DDR2: variants seen among roughly 807,000 people sequenced by gnomAD.
The protein encoded by DDR2 is discoidin domain receptor tyrosine kinase 2, also known as discoidin domain-containing receptor 2.
In DDR2, 27 loss-of-function variants were observed where a neutral mutation model predicts 94.9. That is an observed-to-expected ratio of 0.28 (90% CI 0.21 to 0.39). The LOEUF is 0.39. DDR2 is among the 10% of genes least tolerant of loss of function. The pLI, the probability that DDR2 is intolerant of heterozygous loss-of-function variation, is 1.00. For synonymous variants in DDR2, 382 were observed against 377.2 expected (o/e 1.01, Z -0.15); for missense variants, 783 against 1,076.0 (o/e 0.73, Z 3.81).
At chr1:162,686,922 T>C (rs1212763706) in intron 2 of DDR2, among the ~76,000 whole-genome samples, 3 of 152,240 alleles carry the variant, frequency 2.0e-5, no homozygotes, top group Non-Finnish European at 4.4e-5. Flanking sequence ...TTGGATTAAA[T>C]TGCTTTCAGC....
At chr1:162,773,698 G>C in intron 14 of DDR2, 102 bp downstream of exon 14, 1 of 1,496,328 alleles carries the variant, frequency 6.7e-7, no homozygotes. Flanking sequence ...AGATGGGAAG[G>C]TCAGTGAGCT....
At chr1:162,757,087 C>A (rs1020095578) in intron 7 of DDR2, among the ~76,000 whole-genome samples, 1 of 152,082 alleles carries the variant, frequency 6.6e-6, no homozygotes, top group African/African-American at 2.4e-5. Context: ...TATGACTGCT[C>A]TGGGGTTCAA....
chr1:162,661,720 G>A (rs1190507321), intron 2 of DDR2, among the ~76,000 whole-genome samples: 1 of 152,212 alleles, frequency 6.6e-6, no homozygotes, highest in Non-Finnish European at 1.5e-5. Flanking sequence ...TGGGCACTCT[G>A]CTCTGCTCTG....
intron 1 of DDR2, among the ~76,000 whole-genome samples, chr1:162,649,896 A>G (rs1019215662): frequency 6.6e-6 from 1 of 152,234 alleles, no homozygotes; most frequent in Non-Finnish European, 1.5e-5. Flanking sequence ...GGCCTTGGAT[A>G]AATCAGTTAA....
intron 2 of DDR2, among the ~76,000 whole-genome samples, chr1:162,673,591 GTGTA>G (rs1233859313): frequency 2.9e-3 from 390 of 132,442 alleles, no homozygotes; most frequent in African/African-American, 8.0e-3. Flanking sequence ...GTGTGTGTGT[GTGTA>G]TGTGTGTGTG....
chr1:162,746,447 G>A (rs112534676), intron 3 of DDR2, among the ~76,000 whole-genome samples: 238 of 152,338 alleles, frequency 1.6e-3, no homozygotes, highest in African/African-American at 5.4e-3. Context: ...GCTGAGGCTT[G>A]AGTAGGTAAA....
At position 162,647,878 on chromosome 1, in the gene DDR2, C is replaced by T. The variant is rs117762522; in HGVS notation, c.-191-7333C>T. Among the ~76,000 whole-genome samples the T allele has an allele frequency of 1.9e-3, 292 of 152,148 alleles. 5 individuals are homozygous for T. The East Asian group carries it at 0.043, about 23-fold the overall frequency. On this transcript the variant is annotated intron_variant, in intron 1 of 17. Coordinates refer to ENST00000367921, the MANE Select transcript of DDR2 (RefSeq NM_006182.4). ...TGCTTTATCAGCAGGGTCTTTGTGACCTGTATGTGTCTTGTGCCAACGTCC... is the reference window on the plus strand; with the variant it reads ...TGCTTTATCAGCAGGGTCTTTGTGATCTGTATGTGTCTTGTGCCAACGTCC...
intron 3 of DDR2, among the ~76,000 whole-genome samples, chr1:162,736,329 G>A (rs527428626): frequency 1.3e-5 from 2 of 152,348 alleles, no homozygotes; most frequent in East Asian, 1.9e-4. Context: ...GAAACAGACC[G>A]AAAGAGAGCC....
rs1209228992 is a variant in DDR2 at position 162,786,607 on chromosome 1, C to T, written c.*6361C>T. 6.6e-6 allele frequency: 1 copy of T among 152,184 alleles called. No homozygotes were observed. The highest frequency in any genetic ancestry group is 1.5e-5 in the Non-Finnish European group (1 of 68,040). The allele number at this position is 152,184 out of a possible 1,614,324, so 9.4% of individuals were successfully genotyped here. A position where few individuals can be genotyped will look rare whatever the true frequency, so the allele number is the denominator to read the frequency against. On this transcript the variant is annotated 3_prime_UTR_variant, in exon 18 of 18. Transcript: ENST00000367921. The stretch of plus-strand genomic sequence containing the variant: ...CCTTTCTGTATAAACAGTGCCAGTT[C>T]TGGGCTTTGTAACCTTTGCTCTTTA...
chr1:162,765,536 A>G (rs11578565), intron 9 of DDR2, among the ~76,000 whole-genome samples: 12 of 152,092 alleles, frequency 7.9e-5, no homozygotes, highest in Non-Finnish European at 1.2e-4. Context: ...TATAAAGATT[A>G]AGCCTTAATT....
At chr1:162,664,358 A>G (rs1658442771) in intron 2 of DDR2, among the ~76,000 whole-genome samples, 1 of 152,108 alleles carries the variant, frequency 6.6e-6, no homozygotes, top group Non-Finnish European at 1.5e-5. Flanking sequence ...ATTTTCCATA[A>G]TATTTGACTT....
In DDR2 at chr1:162,729,309, T is replaced by A. The variant is rs866435818; in HGVS notation, c.82+10164T>A. On this transcript the variant is annotated intron_variant, in intron 3 of 17. Coordinates refer to ENST00000367921, the MANE Select transcript of DDR2 (RefSeq NM_006182.4). ...ATATATATATATATATATTTTTTTT[T>A]TTTTTTTTTTTCCTTGGGAGAATAG... 1.0e-3 allele frequency among the ~76,000 whole-genome samples: 145 copies of A among 138,266 alleles called. 1 individual carries two copies. Among genetic ancestry groups the A allele is most frequent in the Middle Eastern group, 3.7e-3 (1 of 270 alleles). The allele number at this position is 138,266 out of a possible 152,430, so 90.7% of individuals were successfully genotyped here. A position where few individuals can be genotyped will look rare whatever the true frequency, so the allele number is the denominator to read the frequency against.
At chr1:162,748,555 G>T (rs1318616244) in intron 3 of DDR2, among the ~76,000 whole-genome samples, 1 of 152,158 alleles carries the variant, frequency 6.6e-6, no homozygotes, top group African/African-American at 2.4e-5. Flanking sequence ...GAATCATAAT[G>T]GGAGATTTTA....
At chr1:162,688,325 C>T (rs967101158) in intron 2 of DDR2, among the ~76,000 whole-genome samples, 6 of 152,226 alleles carry the variant, frequency 3.9e-5, no homozygotes, top group African/African-American at 1.4e-4. Flanking sequence ...CTAGCCTGTG[C>T]TGCATGCCTG....
chr1:162,764,523 AG>A (rs949899379), intron 9 of DDR2, among the ~76,000 whole-genome samples: 34 of 152,310 alleles, frequency 2.2e-4, no homozygotes, highest in Non-Finnish European at 4.4e-4. Context: ...CTGGAAGAAA[AG>A]TCCAGGTGTA....
intron 1 of DDR2, among the ~76,000 whole-genome samples, chr1:162,643,775 C>G (rs1325786693): frequency 6.6e-6 from 1 of 152,172 alleles, no homozygotes; most frequent in African/African-American, 2.4e-5. Flanking sequence ...GCCACTGCAC[C>G]CGGCCAGAAG....
At chr1:162,631,082 A>T (rs1403337729), upstream of DDR2, among the ~76,000 whole-genome samples, 1 of 152,040 alleles carries the variant, frequency 6.6e-6, no homozygotes, top group Non-Finnish European at 1.5e-5. Context: ...CACAGATGTT[A>T]ACGGCTGCTT....
intron 1 of DDR2, among the ~76,000 whole-genome samples, chr1:162,644,602 CT>C (rs11320844): frequency 0.92 from 129,921 of 140,576 alleles, 60,618 homozygotes; most frequent in Non-Finnish European, 0.99. Context: ...CATTATTTAC[CT>C]TTTTTTTTTT....
At chr1:162,676,384 C>T (rs908961370) in intron 2 of DDR2, among the ~76,000 whole-genome samples, 3 of 152,144 alleles carry the variant, frequency 2.0e-5, no homozygotes, top group African/African-American at 7.2e-5. Flanking sequence ...TGTTACACCA[C>T]TGTTGTTATT....
Sources: gnomAD v4.1 joint callset for allele counts (sites outside exome capture counted in the v4.1 genomes callset) on GRCh38, gnomAD v4.1.1 for gene constraint, MANE v1.5 for transcripts, NCBI Gene and HGNC (gene_info 2026-07-23, HGNC 2026-07-21) for gene names.